The following RPLP0 variants were observed in gnomAD, a reference collection of about 807,000 sequenced individuals.
RPLP0 encodes ribosomal protein lateral stalk subunit P0, also known as large ribosomal subunit protein uL10.
For synonymous variants in RPLP0, 137 were observed against 153.4 expected (o/e 0.89, Z 0.79); for missense variants, 276 against 402.9 (o/e 0.69, Z 2.70).
chr12:120,198,517 C>T lies in RPLP0; in HGVS notation c.651+37G>A, dbSNP rs749530115. 8 of 1,612,240 alleles carry T rather than the reference C, an allele frequency of 5.0e-6. No individual in the cohort carries two copies. Among genetic ancestry groups the T allele is most frequent in the Non-Finnish European group, 5.1e-6 (6 of 1,178,626 alleles). ...GTCTGAACCTTGTCATGCTCTCAAC[C>T]ATCAGTGTAAGAGGGGGCAAGGCTG... is the stretch of plus-strand genomic sequence containing the variant. On this transcript the variant is annotated intron_variant, in intron 6 of 7. Transcript: ENST00000392514. The surrounding 1 kb of genome is among the most constrained non-coding windows in gnomAD (Gnocchi z 4.1).
intron 2 of RPLP0, 130 bp from the exon 3 acceptor site, chr12:120,199,615 A>C (rs1310984792): frequency 1.1e-6 from 1 of 925,472 alleles, no homozygotes; most frequent in Admixed American, 2.5e-5. Context: ...TCAGAGGGAG[A>C]TTGGGAGCTA....
intron 7 of RPLP0, 89 bp from the exon 8 acceptor site, chr12:120,197,023 C>A: frequency 1.3e-6 from 2 of 1,583,620 alleles, no homozygotes; most frequent in Non-Finnish European, 8.6e-7. Flanking sequence ...TAAGGACCAA[C>A]AATATCAAAG....
Position 120,198,452 on chromosome 12 carries a change from G to A in RPLP0, c.651+102C>T. The A allele has an allele frequency of 8.1e-7, 1 of 1,227,416 alleles. No individual in the cohort carries two copies. The highest frequency in any genetic ancestry group is 1.5e-5 in the African/African-American group (1 of 66,992). 76.0% of individuals were successfully genotyped at this position (1,227,416 alleles called of 1,614,324 possible). On this transcript the variant is annotated intron_variant, in intron 6 of 7. Transcript: ENST00000392514. This position sits in a 1 kb window ranked among gnomAD's most constrained non-coding sequence, Gnocchi z 4.1. ...TACTGACATTTTACAGATGAGGTAG[G>A]TAGACAGATGAAAACACAGTCCTTG...
chr12:120,196,868 C>T lies in RPLP0; in HGVS notation c.859G>A (p.Ala287Thr). Residue 287 changes from alanine (A) to threonine (T), a missense_variant, in exon 8 of 8, where the codon GCT (alanine) becomes ACT (threonine). Physicochemically the swap from Ala to Thr is moderately conservative, Grantham distance 58. Transcript: ENST00000392514. ...AAAPVAAATT[A>T]APAAAAAPAK... ...GGGGCTGCAGCAGCAGCAGGAGCAG[C>T]TGTGGTGGCAGCAGCCACAGGGGCA... 4 of 1,612,330 alleles carry T rather than the reference C, an allele frequency of 2.5e-6. No homozygotes were observed. Among genetic ancestry groups the T allele is most frequent in the Non-Finnish European group, 3.4e-6 (4 of 1,179,732 alleles).
chr12:120,198,379 C>CT lies in RPLP0; in HGVS notation c.651+174dup, dbSNP rs1426027124. On this transcript the variant is annotated intron_variant, in intron 6 of 7. Transcript: ENST00000392514. This position sits in a 1 kb window ranked among gnomAD's most constrained non-coding sequence, Gnocchi z 4.1. ...CCAGCCTGGGCGACACAGCAAGACT[C>CT]TGTCTCCAAAAAAAAAAAAAAAAAA... is the stretch of plus-strand genomic sequence containing the variant. 5.5e-5 allele frequency: 37 copies of CT among 667,496 alleles called. 2 individuals carry two copies. In the South Asian group the frequency reaches 7.2e-4, roughly 13 times the overall value. 41.3% of individuals were successfully genotyped at this position (667,496 alleles called of 1,614,324 possible).
At position 120,200,606 on chromosome 12, in the gene RPLP0, G is replaced by T. The variant is rs779567341; in HGVS notation, c.54+124C>A. On this transcript the variant is annotated intron_variant, in intron 2 of 7. Coordinates refer to ENST00000392514, the MANE Select transcript of RPLP0 (RefSeq NM_001002.4). ...ATCTCAGGAAATTGTTAACTAAACA[G>T]TATTTTCCCAAAAATGGCCTAATTC... is the stretch of plus-strand genomic sequence containing the variant. 12 of 1,067,944 alleles carry T rather than the reference G, an allele frequency of 1.1e-5. No individual in the cohort carries two copies. In the South Asian group the frequency reaches 1.6e-4, roughly 14 times the overall value. The allele number at this position is 1,067,944 out of a possible 1,614,324, so 66.2% of individuals were successfully genotyped here.
intron 2 of RPLP0, chr12:120,200,000 T>G (rs889232401): frequency 4.4e-6 from 2 of 455,974 alleles, no homozygotes; most frequent in Non-Finnish European, 4.4e-6. Context: ...GCTGCCTAAT[T>G]GCTTAAGCGC....
At position 120,198,523 on chromosome 12, in the gene RPLP0, T is replaced by C. The variant is rs201156012; in HGVS notation, c.651+31A>G. ...ACCTTGTCATGCTCTCAACCATCAG[T>C]GTAAGAGGGGGCAAGGCTGACAGCA... On this transcript the variant is annotated intron_variant, in intron 6 of 7. Transcript: ENST00000392514. This position sits in a 1 kb window ranked among gnomAD's most constrained non-coding sequence, Gnocchi z 4.1. 1.9e-6 allele frequency: 3 copies of C among 1,613,056 alleles called. No homozygotes were observed. The highest frequency in any genetic ancestry group is 4.5e-5 in the East Asian group (2 of 44,858).
In RPLP0 at chr12:120,198,440, C is replaced by T; in HGVS notation, c.651+114G>A. The T allele has an allele frequency of 9.8e-7, 1 of 1,019,928 alleles. No homozygotes were observed. The highest frequency in any genetic ancestry group is 1.5e-6 in the Non-Finnish European group (1 of 679,490). 63.2% of individuals were successfully genotyped at this position (1,019,928 alleles called of 1,614,324 possible). A position where few individuals can be genotyped will look rare whatever the true frequency, so the allele number is the denominator to read the frequency against. ...ATCTTATGTTGTTACTGACATTTTA[C>T]AGATGAGGTAGGTAGACAGATGAAA... On this transcript the variant is annotated intron_variant, in intron 6 of 7. Coordinates refer to ENST00000392514, the MANE Select transcript of RPLP0 (RefSeq NM_001002.4). This position sits in a 1 kb window ranked among gnomAD's most constrained non-coding sequence, Gnocchi z 4.1.
intron 2 of RPLP0, 187 bp from the exon 3 acceptor site, chr12:120,199,672 G>T: frequency 1.7e-6 from 1 of 589,100 alleles, no homozygotes; most frequent in Non-Finnish European, 3.0e-6. Flanking sequence ...GGGTATGAAC[G>T]CTGAAAATTA....
chr12:120,198,666 A>G lies in RPLP0; in HGVS notation c.539T>C (p.Ile180Thr). Reference protein sequence around the residue: ...SEATLLNMLNISPFSFGLVIQ... With the variant: ...SEATLLNMLNTSPFSFGLVIQ... ...GACCAGCCCAAAGGAGAAGGGGGAG[A>G]TGTTGAGCATGTTCAGCAGCGTGGC... is the stretch of plus-strand genomic sequence containing the variant. The change falls in exon 6 of 8, where the codon ATC (isoleucine) becomes ACC (threonine). Residue 180 changes from isoleucine to threonine, a missense_variant. Coordinates refer to ENST00000392514, the MANE Select transcript of RPLP0 (RefSeq NM_001002.4). The surrounding 1 kb of genome is among the most constrained non-coding windows in gnomAD (Gnocchi z 4.1). 1 of 1,613,992 alleles carries G rather than the reference A, an allele frequency of 6.2e-7. No individual in the cohort carries two copies. The highest frequency in any genetic ancestry group is 8.5e-7 in the Non-Finnish European group (1 of 1,179,958).
chr12:120,198,227 AC>A lies in RPLP0; in HGVS notation c.651+326del, dbSNP rs1413892383. The A allele has an allele frequency of 6.8e-6, 2 of 295,988 alleles. No homozygotes were observed. The highest frequency in any genetic ancestry group is 9.4e-5 in the Admixed American group (2 of 21,240). The allele number at this position is 295,988 out of a possible 1,614,324, so 18.3% of individuals were successfully genotyped here. A position where few individuals can be genotyped will look rare whatever the true frequency, so the allele number is the denominator to read the frequency against. On this transcript the variant is annotated intron_variant, in intron 6 of 7. Transcript: ENST00000392514. The surrounding 1 kb of genome is among the most constrained non-coding windows in gnomAD (Gnocchi z 4.1). ...GGCTAACGCGGTGAAACCTAAAAAT[AC>A]AAAAAAATTAGCCGGGCGTAGTGGC...
intron 7 of RPLP0, 174 bp downstream of exon 7, chr12:120,197,148 C>CT: frequency 9.8e-7 from 1 of 1,023,082 alleles, no homozygotes; most frequent in Non-Finnish European, 1.5e-6. Flanking sequence ...CTTTGGGTCT[C>CT]TTGTCATTTC....
intron 1 of RPLP0, 75 bp from the exon 2 acceptor site, chr12:120,200,906 A>G (rs923218146): frequency 3.6e-5 from 52 of 1,454,070 alleles, no homozygotes; most frequent in Non-Finnish European, 4.6e-5. Context: ...GAGGAGCAGG[A>G]CACGCGCAAT....
At chr12:120,197,066 C>A in intron 7 of RPLP0, 132 bp from the exon 8 acceptor site, 4 of 1,469,744 alleles carry the variant, frequency 2.7e-6, no homozygotes, top group South Asian at 1.3e-5. Context: ...AGAAGCAGCC[C>A]AAGCAGGACA....
At position 120,198,120 on chromosome 12, in the gene RPLP0, C is replaced by T. The variant is rs945274314; in HGVS notation, c.651+434G>A. 6.6e-6 allele frequency among the ~76,000 whole-genome samples: 1 copy of T among 152,112 alleles called. No individual in the cohort carries two copies. The highest frequency in any genetic ancestry group is 1.5e-5 in the Non-Finnish European group (1 of 68,010). On this transcript the variant is annotated intron_variant, in intron 6 of 7. Coordinates refer to ENST00000392514, the MANE Select transcript of RPLP0 (RefSeq NM_001002.4). This position sits in a 1 kb window ranked among gnomAD's most constrained non-coding sequence, Gnocchi z 4.1. ...TAATTCATTAAATCCTTTGGCCAGG[C>T]GTGGTGGCTCATGCCTGTAATCCCA...
At chr12:120,200,175 T>C (rs1879369060) in intron 2 of RPLP0, 2 of 451,680 alleles carry the variant, frequency 4.4e-6, no homozygotes, top group Admixed American at 4.7e-5. Flanking sequence ...AGTAAAACTG[T>C]AATGTGCGGC....
chr12:120,196,865 C>T lies in RPLP0; in HGVS notation c.862G>A (p.Ala288Thr), dbSNP rs1879201723. ...AAPVAAATTA[A>T]PAAAAAPAKV... ...GCTGGGGCTGCAGCAGCAGCAGGAG[C>T]AGCTGTGGTGGCAGCAGCCACAGGG... The change falls in exon 8 of 8, where the codon GCT becomes ACT. Residue 288 changes from alanine (A) to threonine (T), a missense_variant. Coordinates refer to ENST00000392514, the MANE Select transcript of RPLP0 (RefSeq NM_001002.4). 6.2e-7 allele frequency: 1 copy of T among 1,612,130 alleles called. No homozygotes were observed. The highest frequency in any genetic ancestry group is 1.1e-5 in the South Asian group (1 of 90,942).
chr12:120,200,582 T>C (rs1879403097), intron 2 of RPLP0, 148 bp downstream of exon 2: 1 of 805,914 alleles, frequency 1.2e-6, no homozygotes, highest in Non-Finnish European at 1.9e-6. Flanking sequence ...AAGGGACCTA[T>C]CTCAGGAAAT....
Sources: allele counts gnomAD v4.1 joint callset (sites outside exome capture counted in the v4.1 genomes callset), GRCh38; gene constraint gnomAD v4.1.1; non-coding constraint Gnocchi (gnomAD v3.1); transcripts MANE v1.5; gene names NCBI Gene and HGNC (gene_info 2026-07-23, HGNC 2026-07-21).